The following SSR3 variants were observed in gnomAD, a reference collection of about 807,000 sequenced individuals.
SSR3 encodes signal sequence receptor subunit 3, also known as translocon-associated protein subunit gamma.
A neutral mutation model predicts 22.1 loss-of-function variants in SSR3; 10 were observed. The observed-to-expected ratio is 0.45, with a 90% CI of 0.28 to 0.77. The LOEUF (loss-of-function observed/expected upper bound fraction) is 0.77, where lower values mean the gene tolerates loss of function less well. SSR3 is among the 30% of genes least tolerant of loss of function. SSR3 has a pLI of 0.13. For synonymous variants in SSR3, 104 were observed against 82.5 expected, an observed-to-expected ratio of 1.26 and a Z score of -1.42; for missense variants, 181 against 220.5, an observed-to-expected ratio of 0.82 and a Z score of 1.13.
chr3:156,553,797 AG>A lies in SSR3; in HGVS notation c.134-17del. The A allele has an allele frequency of 6.3e-7, 1 of 1,583,594 alleles. No individual in the cohort carries two copies. The highest frequency in any genetic ancestry group is 8.6e-7 in the Non-Finnish European group (1 of 1,167,740). On this transcript the variant is annotated splice_polypyrimidine_tract_variant and intron_variant, in intron 1 of 4. Transcript: ENST00000265044. The stretch of plus-strand genomic sequence containing the variant: ...CAGTATAACCCTGAATTAAAATAAA[AG>A]GGGGAAGGGTACAAAAAGAAGCAAA...
chr3:156,545,876 G>A (rs142768841), intron 3 of SSR3, among the ~76,000 whole-genome samples: 105 of 152,328 alleles, frequency 6.9e-4, no homozygotes, highest in African/African-American at 2.5e-3. Flanking sequence ...AAGATGCATA[G>A]TCTCAACATG....
At chr3:156,553,097 C>A (rs1031056127) in intron 2 of SSR3, among the ~76,000 whole-genome samples, 1 of 151,204 alleles carries the variant, frequency 6.6e-6, no homozygotes, top group African/African-American at 2.4e-5. Context: ...TGGCCTGTCT[C>A]TACAAAAAAA....
chr3:156,553,746 GA>G lies in SSR3; in HGVS notation c.168del (p.Gln57SerfsTer8). The stretch of plus-strand genomic sequence containing the variant: ...ATCACACTATACAAAACAGCAGACT[GA>G]ATAAGATCCATATGCCATATTCGCC... ...LYWRIWHMDL[I>X]QSAVLYSVMT... On this transcript the variant is annotated frameshift_variant, in exon 2 of 5. Coordinates refer to ENST00000265044, the MANE Select transcript of SSR3 (RefSeq NM_007107.5). LOFTEE classifies it high-confidence loss of function. 6.2e-7 allele frequency: 1 copy of G among 1,612,478 alleles called. No homozygotes were observed. Among genetic ancestry groups the G allele is most frequent in the East Asian group, 2.2e-5 (1 of 44,808 alleles).
At chr3:156,546,966 A>G (rs901006915) in intron 3 of SSR3, among the ~76,000 whole-genome samples, 4 of 152,356 alleles carry the variant, frequency 2.6e-5, no homozygotes, top group East Asian at 1.9e-4. Flanking sequence ...AATGCTGATA[A>G]GCCTTCTTCT....
rs370834877 is a variant in SSR3 at position 156,548,937 on chromosome 3, A to G, written c.327T>C (p.Asn109=). The change falls in exon 3 of 5, where the codon AAT becomes AAC. Residue 109 remains asparagine, a synonymous_variant. Transcript: ENST00000265044. ...CTTTCTCCTTCCGAGACATCTTTCT[A>G]TTATCAGCTTCAGAAAGTTTTCGAG... ...EVTRKLSEAD[N]RKMSRKEKDE... is the part of the protein sequence containing the mutation. 3 of 1,613,538 alleles carry G rather than the reference A, an allele frequency of 1.9e-6. No homozygotes were observed.
At chr3:156,548,787 T>A in intron 3 of SSR3, 118 bp downstream of exon 3, 1 of 1,327,708 alleles carries the variant, frequency 7.5e-7, no homozygotes, top group Non-Finnish European at 1.0e-6. Flanking sequence ...CTACTACTAC[T>A]ACAATTCCAA....
In SSR3 at chr3:156,542,176, A is replaced by C. The variant is rs928965820; in HGVS notation, c.*1027T>G. 1.3e-5 allele frequency: 2 copies of C among 152,200 alleles called. No individual in the cohort carries two copies. The highest frequency in any genetic ancestry group is 4.8e-5 in the African/African-American group (2 of 41,438). 9.4% of individuals were successfully genotyped at this position (152,200 alleles called of 1,614,324 possible). Reference sequence around the variant, plus strand: ...ATATCTGTACATACACGGGTAAAAAAATGCAAGAGATTGCTCTCAGCTGGA... The same window carrying C: ...ATATCTGTACATACACGGGTAAAAACATGCAAGAGATTGCTCTCAGCTGGA... On this transcript the variant is annotated 3_prime_UTR_variant, in exon 5 of 5. Transcript: ENST00000265044.
In SSR3 at chr3:156,549,931, A is replaced by C. The variant is rs3821687; in HGVS notation, c.261-928T>G. On this transcript the variant is annotated intron_variant, in intron 2 of 4. Coordinates refer to ENST00000265044, the MANE Select transcript of SSR3 (RefSeq NM_007107.5). ...TTAAGAGACACTTTAGGACACTAAA[A>C]TGAACTTTTTACTCCGAAGATCCAA... is the stretch of plus-strand genomic sequence containing the variant. Among the ~76,000 whole-genome samples the C allele has an allele frequency of 5.8e-3, 891 of 152,322 alleles. 53 individuals carry two copies. The East Asian group carries it at 0.14, about 24-fold the overall frequency.
chr3:156,542,840 C>T lies in SSR3; in HGVS notation c.*363G>A, dbSNP rs1030163647. 5.0e-6 allele frequency: 1 copy of T among 199,300 alleles called. No individual in the cohort carries two copies. The highest frequency in any genetic ancestry group is 2.3e-5 in the African/African-American group (1 of 43,314). 12.3% of individuals were successfully genotyped at this position (199,300 alleles called of 1,614,324 possible). On this transcript the variant is annotated 3_prime_UTR_variant, in exon 5 of 5. Transcript: ENST00000265044. ...AATATTGTGCTTGGAACACAGAGAA[C>T]CAGTTATTAACTTCCTACTACTATT... is the stretch of plus-strand genomic sequence containing the variant.
At position 156,553,722 on chromosome 3, in the gene SSR3, T is replaced by C. The variant is rs553716359; in HGVS notation, c.193A>G (p.Met65Val). Residue 65 changes from methionine to valine, a missense_variant, in exon 2 of 5, where the codon ATG becomes GTG. By Grantham distance (21) the Met-to-Val change is conservative. Coordinates refer to ENST00000265044, the MANE Select transcript of SSR3 (RefSeq NM_007107.5). ...ACCAAATATGTGCTTACTAGGGTCA[T>C]CACACTATACAAAACAGCAGACTGA... Reference protein sequence around the residue: ...LIQSAVLYSVMTLVSTYLVAF... With the variant: ...LIQSAVLYSVVTLVSTYLVAF... 3 of 1,612,892 alleles carry C rather than the reference T, an allele frequency of 1.9e-6. No individual in the cohort carries two copies. Among genetic ancestry groups the C allele is most frequent in the East Asian group, 4.5e-5 (2 of 44,848 alleles).
chr3:156,549,637 T>C (rs1719880552), intron 2 of SSR3, among the ~76,000 whole-genome samples: 1 of 152,236 alleles, frequency 6.6e-6, no homozygotes. Context: ...TTTTTTTACC[T>C]GTCTCCATCT....
At chr3:156,550,407 TA>T (rs1334051663) in intron 2 of SSR3, among the ~76,000 whole-genome samples, 1 of 152,210 alleles carries the variant, frequency 6.6e-6, no homozygotes, top group Non-Finnish European at 1.5e-5. Flanking sequence ...ACCAGATAAC[TA>T]AGCAATTTCT....
At chr3:156,554,023 A>G (rs1010847774) in intron 1 of SSR3, 2 of 331,836 alleles carry the variant, frequency 6.0e-6, no homozygotes, top group African/African-American at 4.2e-5. Context: ...TGAGATTTCA[A>G]CTTCTAAAAT....
intron 2 of SSR3, 118 bp downstream of exon 2, chr3:156,553,537 T>C (rs1720036234): frequency 9.7e-7 from 1 of 1,030,192 alleles, no homozygotes. Flanking sequence ...CCAAAATGTT[T>C]ATTAATATAT....
chr3:156,543,355 C>T, intron 4 of SSR3, 86 bp from the exon 5 acceptor site: 1 of 954,226 alleles, frequency 1.0e-6, no homozygotes, highest in Non-Finnish European at 1.6e-6. Context: ...TTGGAATGTA[C>T]TGCTTCCTTC....
In SSR3 at chr3:156,551,140, T is replaced by TA. The variant is rs766147158; in HGVS notation, c.261-2138dup. On this transcript the variant is annotated intron_variant, in intron 2 of 4. Transcript: ENST00000265044. ...TTAATATAAAGCCAAAACTATGACTTAAAAAAAAAACCTCCATTCTGAGTC... is the reference window on the plus strand; with the variant it reads ...TTAATATAAAGCCAAAACTATGACTTAAAAAAAAAAACCTCCATTCTGAGTC... Among the ~76,000 whole-genome samples, 855 of 148,326 alleles carry TA rather than the reference T, an allele frequency of 5.8e-3. 6 individuals are homozygous for TA. Among genetic ancestry groups the TA allele is most frequent in the Middle Eastern group, 0.028 (8 of 288 alleles).
intron 2 of SSR3, chr3:156,551,284 A>G (rs1719942620): frequency 2.0e-5 from 3 of 152,228 alleles, no homozygotes; most frequent in Admixed American, 2.0e-4. Flanking sequence ...AAAGGTAAAA[A>G]GAACATGACT....
chr3:156,545,683 C>T (rs578184394), intron 3 of SSR3, among the ~76,000 whole-genome samples: 4 of 152,298 alleles, frequency 2.6e-5, no homozygotes, highest in East Asian at 1.9e-4. Flanking sequence ...TCTACAGACA[C>T]CATCGACTTA....
At chr3:156,549,251 CCA>C (rs959265574) in intron 2 of SSR3, among the ~76,000 whole-genome samples, 25 of 152,248 alleles carry the variant, frequency 1.6e-4, no homozygotes, top group African/African-American at 6.0e-4. Context: ...GAAGAATTTT[CCA>C]CAGTTTAGGA....
Sources: gnomAD v4.1 joint callset for allele counts (sites outside exome capture counted in the v4.1 genomes callset) on GRCh38, gnomAD v4.1.1 for gene constraint, MANE v1.5 for transcripts, NCBI Gene and HGNC (gene_info 2026-07-23, HGNC 2026-07-21) for gene names.